Variants in MACF1 observed in about 807,000 individuals in gnomAD.
The protein encoded by MACF1 is microtubule actin crosslinking factor 1.
In MACF1, 193 loss-of-function variants were observed where a neutral mutation model predicts 854.8. That is an observed-to-expected ratio of 0.23 (90% CI 0.20 to 0.25). MACF1 has a LOEUF of 0.25. Among genes scored for constraint, MACF1 ranks in the 10% least tolerant of loss-of-function variants. The pLI, the probability that MACF1 is intolerant of heterozygous loss-of-function variation, is 1.00. For synonymous variants in MACF1, 3,185 were observed against 3,226.7 expected (o/e 0.99, Z 0.44); for missense variants, 7,722 against 8,929.1 (o/e 0.86, Z 5.45).
chr1:39,128,512 C>T (rs568472466), intron 2 of MACF1, among the ~76,000 whole-genome samples: 3 of 152,054 alleles, frequency 2.0e-5, no homozygotes, highest in African/African-American at 7.2e-5. Context: ...CTGGCTAGCA[C>T]GGTGAAACCT....
chr1:39,261,447 C>A (rs1645162596), intron 6 of MACF1, among the ~76,000 whole-genome samples: 1 of 152,142 alleles, frequency 6.6e-6, no homozygotes, highest in South Asian at 2.1e-4. Context: ...CCTTCTTGTT[C>A]ATTTACAGTT....
intron 2 of MACF1, among the ~76,000 whole-genome samples, chr1:39,107,313 G>A (rs1467684511): frequency 6.6e-6 from 1 of 151,976 alleles, no homozygotes. Flanking sequence ...TTCCAGGAGA[G>A]ACCTCTTTTG....
intron 38 of MACF1, among the ~76,000 whole-genome samples, 157 bp downstream of exon 38, chr1:39,337,488 G>A (rs1483142075): frequency 2.0e-5 from 3 of 151,518 alleles, no homozygotes; most frequent in African/African-American, 7.3e-5. Context: ...GGCTACATTT[G>A]GATAGACCGG....
At chr1:39,422,264 C>T (rs1191175329) in intron 58 of MACF1, 110 bp from the exon 59 acceptor site, 10 of 775,712 alleles carry the variant, frequency 1.3e-5, no homozygotes, top group South Asian at 4.5e-5. Flanking sequence ...CTTTTTATTC[C>T]TGGTCGTCTT....
intron 2 of MACF1, among the ~76,000 whole-genome samples, chr1:39,106,784 GC>G (rs1294572838): frequency 1.5e-5 from 2 of 137,398 alleles, no homozygotes; most frequent in African/African-American, 2.7e-5. Flanking sequence ...GCTGTAAAAC[GC>G]CCCCCCTCTC....
chr1:39,427,309 A>T (rs1167825134), intron 61 of MACF1, 146 bp from the exon 62 acceptor site: 3 of 605,332 alleles, frequency 5.0e-6, no homozygotes, highest in Admixed American at 3.3e-5. Flanking sequence ...CCTTTAAAAC[A>T]TCGAAATGCT....
intron 6 of MACF1, chr1:39,269,492 A>C: frequency 7.8e-7 from 1 of 1,289,736 alleles, no homozygotes; most frequent in Non-Finnish European, 1.0e-6. Flanking sequence ...ATGTGGGTCA[A>C]GTGCCCCCCC....
intron 2 of MACF1, among the ~76,000 whole-genome samples, chr1:39,244,613 T>G (rs1367667457): frequency 6.6e-6 from 1 of 150,412 alleles, no homozygotes; most frequent in Non-Finnish European, 1.5e-5. Flanking sequence ...AGTCTCGCTC[T>G]GTTGCCCAGG....
At chr1:39,404,153 A>G (rs111411108) in intron 58 of MACF1, among the ~76,000 whole-genome samples, 23,100 of 90,126 alleles carry the variant, frequency 0.26, 2,172 homozygotes, top group Middle Eastern at 0.36. Flanking sequence ...AAGTAAGTAA[A>G]TAAATAAATA....
chr1:39,171,942 A>G (rs1017199395), intron 2 of MACF1, among the ~76,000 whole-genome samples: 3 of 152,152 alleles, frequency 2.0e-5, no homozygotes, highest in Non-Finnish European at 4.4e-5. Flanking sequence ...TTATAATTTT[A>G]AGTTATCTTG....
rs558639294 is a variant in MACF1 at position 39,444,621 on chromosome 1, A to G, written c.19432-41A>G. 3.2e-6 allele frequency: 5 copies of G among 1,567,452 alleles called. No individual in the cohort carries two copies. In the African/African-American group the frequency reaches 4.1e-5, roughly 13 times the overall value. On this transcript the variant is annotated intron_variant, in intron 79 of 100. Transcript: ENST00000564288. The stretch of plus-strand genomic sequence containing the variant: ...GAATCTATATGTAGGTGTCTTCCAG[A>G]GAATTCGTAGAATTGATATCTTTCC...
intron 2 of MACF1, among the ~76,000 whole-genome samples, chr1:39,194,341 CTT>C (rs1251300984): frequency 1.4e-5 from 1 of 70,058 alleles, no homozygotes; most frequent in African/African-American, 5.5e-5. Context: ...CTTTTCTTTT[CTT>C]TTCTTTTCTT....
chr1:39,152,401 G>C (rs1206899368), intron 2 of MACF1, among the ~76,000 whole-genome samples: 1 of 151,960 alleles, frequency 6.6e-6, no homozygotes, highest in Non-Finnish European at 1.5e-5. Context: ...AAACTCCATG[G>C]AATATTTCTA....
chr1:39,133,687 T>G (rs2148174924), intron 2 of MACF1, among the ~76,000 whole-genome samples: 1 of 152,340 alleles, frequency 6.6e-6, no homozygotes, highest in African/African-American at 2.4e-5. Context: ...TCAAGCTAGT[T>G]AACATCTGTC....
intron 24 of MACF1, among the ~76,000 whole-genome samples, chr1:39,309,951 C>T (rs1342134558): frequency 6.6e-6 from 1 of 152,148 alleles, no homozygotes; most frequent in African/African-American, 2.4e-5. Context: ...CTTTTTCTCA[C>T]TCTGTAAGAC....
At chr1:39,344,551 T>C (rs892241069) in intron 40 of MACF1, among the ~76,000 whole-genome samples, 13 of 152,162 alleles carry the variant, frequency 8.5e-5, no homozygotes, top group African/African-American at 3.1e-4. Flanking sequence ...TGGGGTTTTA[T>C]ATGTTGGCAT....
Position 39,319,659 on chromosome 1 carries a change from C to T in MACF1, c.3946-5C>T, listed in dbSNP as rs780193683. On this transcript the variant is annotated splice_polypyrimidine_tract_variant and splice_region_variant and intron_variant, in intron 30 of 100. Coordinates refer to ENST00000564288, the MANE Select transcript of MACF1 (RefSeq NM_001394062.1). ...ATGATAATGTTGTGATATTTTGCTT[C>T]CTAGGCCCTATTTGCAGAAATTGAG... 2 of 1,610,472 alleles carry T rather than the reference C, an allele frequency of 1.2e-6. No individual in the cohort carries two copies. The highest frequency in any genetic ancestry group is 1.3e-5 in the African/African-American group (1 of 74,906).
At chr1:39,478,076 C>T (rs1160257700) in intron 97 of MACF1, among the ~76,000 whole-genome samples, 1 of 145,392 alleles carries the variant, frequency 6.9e-6, no homozygotes. Context: ...GATCTCGGCT[C>T]ACTGCAGCCT....
At chr1:39,351,999 G>A (rs1055038283) in intron 43 of MACF1, among the ~76,000 whole-genome samples, 1 of 152,094 alleles carries the variant, frequency 6.6e-6, no homozygotes, top group Non-Finnish European at 1.5e-5. Context: ...CTATAGTTAC[G>A]ATGGGAATCG....
Sources: gnomAD v4.1 joint callset for allele counts (sites outside exome capture counted in the v4.1 genomes callset) on GRCh38, gnomAD v4.1.1 for gene constraint, MANE v1.5 for transcripts, NCBI Gene and HGNC (gene_info 2026-07-23, HGNC 2026-07-21) for gene names.